The following DMGDH variants were observed in gnomAD, a reference collection of about 807,000 sequenced individuals.
DMGDH encodes the protein dimethylglycine dehydrogenase, mitochondrial.
Under a neutral mutation model 95.2 loss-of-function variants are expected in DMGDH, and 76 were observed. The observed-to-expected ratio is 0.80, with a 90% CI of 0.66 to 0.97. The LOEUF (loss-of-function observed/expected upper bound fraction) is 0.97, where lower values mean the gene tolerates loss of function less well. Among genes scored for constraint, DMGDH ranks in the 50% least tolerant of loss-of-function variants. The pLI is 0.00. For missense variants in DMGDH, 987 were observed against 1,055.0 expected, an observed-to-expected ratio of 0.94 and a Z score of 0.89; for synonymous variants, 345 against 377.6, an observed-to-expected ratio of 0.91 and a Z score of 1.00.
chr5:79,021,192 C>A, intron 14 of DMGDH: 1 of 994,010 alleles, frequency 1.0e-6, no homozygotes, highest in Non-Finnish European at 1.2e-6. Flanking sequence ...GAGCACTTCC[C>A]ACAAGATGGC....
intron 7 of DMGDH, among the ~76,000 whole-genome samples, chr5:79,040,317 T>TC (rs1192020275): frequency 6.6e-6 from 1 of 152,070 alleles, no homozygotes; most frequent in Non-Finnish European, 1.5e-5. Context: ...AGAAAAGGAA[T>TC]CAGAAAAAAG....
Position 79,005,341 on chromosome 5 carries a change from C to T in DMGDH, c.2317G>A (p.Val773Ile). ...IKAKGLKRRL[V>I]CLTLATDDVD... Reference sequence around the variant, plus strand: ...TCATCCGTTGCCAAGGTGAGGCAGACCAGTCTTCGTTTCAGCCCCTTGGCT... The same window carrying T: ...TCATCCGTTGCCAAGGTGAGGCAGATCAGTCTTCGTTTCAGCCCCTTGGCT... The change falls in exon 15 of 16, where the codon GTC (valine) becomes ATC (isoleucine). Residue 773 changes from valine to isoleucine, a missense_variant. By Grantham distance (29) the Val-to-Ile change is conservative (BLOSUM62 3). Transcript: ENST00000255189. The T allele has an allele frequency of 4.3e-6, 7 of 1,613,902 alleles. No homozygotes were observed. The highest frequency in any genetic ancestry group is 5.9e-6 in the Non-Finnish European group (7 of 1,179,938).
intron 5 of DMGDH, among the ~76,000 whole-genome samples, chr5:79,046,692 A>G (rs1754684480): frequency 6.6e-6 from 1 of 152,090 alleles, no homozygotes; most frequent in Non-Finnish European, 1.5e-5. Context: ...GACTTAATTT[A>G]CTCTTGCTAG....
intron 14 of DMGDH, among the ~76,000 whole-genome samples, chr5:79,018,241 A>G (rs1440669249): frequency 3.3e-5 from 5 of 152,054 alleles, no homozygotes; most frequent in Non-Finnish European, 5.9e-5. Context: ...AAGTCTCACT[A>G]TGTTGCCCAG....
chr5:79,051,650 A>G (rs1158268213), intron 4 of DMGDH, among the ~76,000 whole-genome samples, 159 bp from the exon 5 acceptor site: 1 of 152,224 alleles, frequency 6.6e-6, no homozygotes. Context: ...AAAAGCCACC[A>G]TTCAAGTCCT....
At chr5:79,005,447 G>C (rs1753529396) in intron 14 of DMGDH, 40 bp from the exon 15 acceptor site, 1 of 1,613,424 alleles carries the variant, frequency 6.2e-7, no homozygotes, top group Admixed American at 1.7e-5. Flanking sequence ...TGAATGCTCA[G>C]ACACTGTGAC....
chr5:79,000,245 C>A (rs1197926221), intron 15 of DMGDH: 2 of 636,530 alleles, frequency 3.1e-6, no homozygotes, highest in East Asian at 3.9e-5. Flanking sequence ...CAGCGTGATA[C>A]CACCACCATG....
rs778432954 is a variant in DMGDH, at chr5:79,054,181, T to C, written c.540+3A>G. The C allele has an allele frequency of 3.2e-5, 51 of 1,613,754 alleles. No individual in the cohort carries two copies. Among genetic ancestry groups the C allele is most frequent in the South Asian group, 4.4e-5 (4 of 91,056 alleles). ...ATGGTAAAAATGCCCTTAAGATAAATACCTTATTCATGTTGAGTAAAGGGA... is the reference window on the plus strand; with the variant it reads ...ATGGTAAAAATGCCCTTAAGATAAACACCTTATTCATGTTGAGTAAAGGGA... On this transcript the variant is annotated splice_donor_region_variant and intron_variant, in intron 4 of 15. Coordinates refer to ENST00000255189, the MANE Select transcript of DMGDH (RefSeq NM_013391.3).
intron 1 of DMGDH, 68 bp downstream of exon 1, chr5:79,069,452 G>A: frequency 4.1e-6 from 4 of 979,938 alleles, no homozygotes; most frequent in African/African-American, 1.7e-5. Flanking sequence ...CCCTGAGCCT[G>A]CCTCAGCCTC....
intron 5 of DMGDH, among the ~76,000 whole-genome samples, chr5:79,047,351 T>C (rs994556387): frequency 1.3e-5 from 2 of 152,222 alleles, no homozygotes; most frequent in Non-Finnish European, 2.9e-5. Flanking sequence ...AGATGGTTTA[T>C]ATGATGACAA....
intron 1 of DMGDH, among the ~76,000 whole-genome samples, chr5:79,068,269 C>A (rs1461584377): frequency 6.6e-6 from 1 of 152,140 alleles, no homozygotes; most frequent in Non-Finnish European, 1.5e-5. Context: ...TTTATCTAAT[C>A]AGTTTGTTTG....
intron 2 of DMGDH, among the ~76,000 whole-genome samples, chr5:79,062,329 T>C (rs1305918637): frequency 6.6e-6 from 1 of 151,478 alleles, no homozygotes; most frequent in Non-Finnish European, 1.5e-5. Context: ...TGGGCTTTTA[T>C]GTCTGGGCAG....
At chr5:79,000,988 T>C (rs1753442524) in intron 15 of DMGDH, 3 of 703,722 alleles carry the variant, frequency 4.3e-6, no homozygotes, top group Admixed American at 2.1e-5. Flanking sequence ...GGGTCATCTA[T>C]ATCGTAGCTA....
At chr5:79,021,206 G>A in intron 14 of DMGDH, 1 of 1,003,208 alleles carries the variant, frequency 1.0e-6, no homozygotes, top group Non-Finnish European at 1.2e-6. Context: ...AGATGGCAGT[G>A]TTGTATGCGG....
chr5:79,000,483 A>G, intron 15 of DMGDH: 2 of 610,496 alleles, frequency 3.3e-6, no homozygotes, highest in South Asian at 1.4e-5. Flanking sequence ...CCTGAAAAGT[A>G]CTTATTCGGT....
chr5:79,000,456 T>A, intron 15 of DMGDH: 1 of 619,058 alleles, frequency 1.6e-6, no homozygotes, highest in East Asian at 4.1e-5. Flanking sequence ...TGGGACAAAC[T>A]ACTGGATCAA....
chr5:79,000,350 T>C, intron 15 of DMGDH: 1 of 658,026 alleles, frequency 1.5e-6, no homozygotes. Flanking sequence ...AAGGTCTGTT[T>C]ATTCTCACAA....
chr5:79,030,255 T>C (rs1754119501), intron 10 of DMGDH, among the ~76,000 whole-genome samples: 1 of 152,210 alleles, frequency 6.6e-6, no homozygotes, highest in Admixed American at 6.5e-5. Context: ...AAAGCTCTTC[T>C]TCATTTAACT....
intron 9 of DMGDH, 46 bp from the exon 10 acceptor site, chr5:79,031,044 T>A: frequency 6.2e-7 from 1 of 1,608,484 alleles, no homozygotes; most frequent in Non-Finnish European, 8.5e-7. Context: ...CGTTCATTTT[T>A]CAAAAATTAC....
Sources: gnomAD v4.1 joint callset for allele counts (sites outside exome capture counted in the v4.1 genomes callset) on GRCh38, gnomAD v4.1.1 for gene constraint, MANE v1.5 for transcripts, NCBI Gene and HGNC (gene_info 2026-07-23, HGNC 2026-07-21) for gene names.